Variants in ANO3 observed in about 807,000 individuals in gnomAD.
ANO3 encodes anoctamin-3.
ANO3 carries 99 observed loss-of-function variants against 144.8 expected under a neutral mutation model. That is an observed-to-expected ratio of 0.68 (90% CI 0.58 to 0.81). ANO3 has a LOEUF of 0.81. ANO3 is among the 30% of genes least tolerant of loss of function. ANO3 has a pLI of 0.00. For synonymous variants in ANO3, 414 were observed against 392.6 expected, an observed-to-expected ratio of 1.05 and a Z score of -0.64; for missense variants, 905 against 1,202.2, an observed-to-expected ratio of 0.75 and a Z score of 3.66.
At chr11:26,244,579 T>G (rs996413933) in intron 1 of ANO3, among the ~76,000 whole-genome samples, 5 of 152,180 alleles carry the variant, frequency 3.3e-5, no homozygotes, top group African/African-American at 1.2e-4. Flanking sequence ...AGCTATTCTG[T>G]ATTTATTTTG....
chr11:26,531,736 T>C (rs1217888042), intron 8 of ANO3, among the ~76,000 whole-genome samples: 3 of 152,204 alleles, frequency 2.0e-5, no homozygotes, highest in African/African-American at 7.2e-5. Context: ...AATTAACATA[T>C]ATTTATTAAT....
At chr11:26,573,832 A>G (rs1021640584) in intron 14 of ANO3, among the ~76,000 whole-genome samples, 3 of 152,170 alleles carry the variant, frequency 2.0e-5, no homozygotes, top group African/African-American at 7.2e-5. Flanking sequence ...GCACATCTGG[A>G]AATAAACTTA....
intron 1 of ANO3, among the ~76,000 whole-genome samples, chr11:26,196,053 T>C (rs900688768): frequency 2.0e-5 from 3 of 152,206 alleles, no homozygotes; most frequent in African/African-American, 7.2e-5. Context: ...GGGCCATTCA[T>C]ATGAGTTGCT....
chr11:26,608,962 G>A (rs1253931170), intron 17 of ANO3, among the ~76,000 whole-genome samples: 1 of 152,178 alleles, frequency 6.6e-6, no homozygotes, highest in Non-Finnish European at 1.5e-5. Context: ...CTGTGGTGCT[G>A]GTCGCCCCTC....
chr11:26,276,987 G>T (rs1460045763), intron 1 of ANO3, among the ~76,000 whole-genome samples: 1 of 152,078 alleles, frequency 6.6e-6, no homozygotes, highest in African/African-American at 2.4e-5. Flanking sequence ...CAGTTGTGTG[G>T]TATCTAATCA....
chr11:26,269,416 A>C (rs193044141), intron 1 of ANO3, among the ~76,000 whole-genome samples: 1 of 151,840 alleles, frequency 6.6e-6, no homozygotes, highest in Non-Finnish European at 1.5e-5. Context: ...TACTTTTCCT[A>C]TCTCTCTTGG....
chr11:26,542,113 G>C, intron 11 of ANO3, 45 bp downstream of exon 11: 3 of 1,583,264 alleles, frequency 1.9e-6, no homozygotes, highest in Non-Finnish European at 2.6e-6. Flanking sequence ...ATTCTGTTTT[G>C]TGTCATTGTC....
chr11:26,550,404 T>C (rs994663987), intron 12 of ANO3, among the ~76,000 whole-genome samples: 8 of 151,844 alleles, frequency 5.3e-5, no homozygotes, highest in African/African-American at 1.9e-4. Context: ...AACTGAAACT[T>C]TTTATCCGTT....
At position 26,442,019 on chromosome 11, in the gene ANO3, T is replaced by C. The variant is rs1195534267; in HGVS notation, c.148T>C (p.Leu50=). The C allele has an allele frequency of 6.2e-7, 1 of 1,614,198 alleles. No individual in the cohort carries two copies. Among genetic ancestry groups the C allele is most frequent in the South Asian group, 1.1e-5 (1 of 91,078 alleles). Reference sequence around the variant, plus strand: ...CCAGAGCTACGCTTACTCAAAGAGCTTGAGCCAGTCTACTTCCCTCTTCCA... The same window carrying C: ...CCAGAGCTACGCTTACTCAAAGAGCCTGAGCCAGTCTACTTCCCTCTTCCA... ...LAQSYAYSKS[L]SQSTSLFQST... is the part of the protein sequence containing the mutation. Residue 50 remains leucine (L), a synonymous_variant, in exon 2 of 27, where the codon TTG becomes CTG. Coordinates refer to ENST00000256737, the MANE Select transcript of ANO3 (RefSeq NM_031418.4).
At chr11:26,268,581 C>T (rs114547379) in intron 1 of ANO3, among the ~76,000 whole-genome samples, 1 of 151,960 alleles carries the variant, frequency 6.6e-6, no homozygotes, top group East Asian at 1.9e-4. Context: ...CAGCTTTGCA[C>T]GTGTGTATAA....
At chr11:26,289,765 A>AT (rs1853910968) in intron 1 of ANO3, among the ~76,000 whole-genome samples, 2 of 145,928 alleles carry the variant, frequency 1.4e-5, no homozygotes, top group Non-Finnish European at 1.5e-5. Flanking sequence ...GTGTATATAT[A>AT]TGTATACATA....
intron 14 of ANO3, among the ~76,000 whole-genome samples, chr11:26,593,496 TG>T (rs1851513847): frequency 6.6e-6 from 1 of 152,126 alleles, no homozygotes; most frequent in African/African-American, 2.4e-5. Flanking sequence ...GCCAGTGTCC[TG>T]GGGACAGTTA....
intron 14 of ANO3, among the ~76,000 whole-genome samples, chr11:26,566,565 CTG>C (rs1348959131): frequency 6.6e-6 from 1 of 151,766 alleles, no homozygotes; most frequent in Non-Finnish European, 1.5e-5. Flanking sequence ...TAATCCCAAA[CTG>C]GGGAGATTCA....
chr11:26,619,248 C>G (rs971388351), intron 17 of ANO3, among the ~76,000 whole-genome samples: 1 of 151,932 alleles, frequency 6.6e-6, no homozygotes, highest in Non-Finnish European at 1.5e-5. Flanking sequence ...CACTTATAAC[C>G]AAAGACTATA....
At chr11:26,516,199 C>T (rs1861857194) in intron 5 of ANO3, among the ~76,000 whole-genome samples, 1 of 151,746 alleles carries the variant, frequency 6.6e-6, no homozygotes, top group African/African-American at 2.4e-5. Context: ...CTTATGCATA[C>T]TTGACTCTGC....
At chr11:26,378,803 C>A (rs1856490998) in intron 1 of ANO3, among the ~76,000 whole-genome samples, 1 of 151,916 alleles carries the variant, frequency 6.6e-6, no homozygotes, top group Non-Finnish European at 1.5e-5. Flanking sequence ...ATGCTCTGGT[C>A]CAAGATAAGC....
At chr11:26,304,006 C>G (rs1184294178) in intron 1 of ANO3, among the ~76,000 whole-genome samples, 1 of 152,158 alleles carries the variant, frequency 6.6e-6, no homozygotes, top group Non-Finnish European at 1.5e-5. Flanking sequence ...AGCCATCGTG[C>G]ACGGCCAAAA....
chr11:26,594,970 C>A (rs547927311), intron 14 of ANO3, among the ~76,000 whole-genome samples: 1 of 151,982 alleles, frequency 6.6e-6, no homozygotes, highest in African/African-American at 2.4e-5. Context: ...TCTTTCTTAG[C>A]GTATGAGGGT....
chr11:26,460,572 A>G (rs1439485058), intron 3 of ANO3, among the ~76,000 whole-genome samples: 1 of 152,042 alleles, frequency 6.6e-6, no homozygotes, highest in East Asian at 1.9e-4. Context: ...GGGTAGGGGA[A>G]AAAAAGATCT....
Sources: allele counts gnomAD v4.1 joint callset (sites outside exome capture counted in the v4.1 genomes callset), GRCh38; gene constraint gnomAD v4.1.1; transcripts MANE v1.5; gene names NCBI Gene and HGNC (gene_info 2026-07-23, HGNC 2026-07-21).